The following MCCC1 variants were observed in gnomAD, a reference collection of about 807,000 sequenced individuals.
MCCC1 encodes methylcrotonyl-CoA carboxylase subunit 1, also known as methylcrotonoyl-CoA carboxylase subunit alpha, mitochondrial.
In MCCC1, 64 loss-of-function variants were observed where a neutral mutation model predicts 83.8. The ratio of observed to expected loss-of-function variants is 0.76; its 90% CI spans 0.62 to 0.94. The LOEUF (loss-of-function observed/expected upper bound fraction) is 0.94. Among genes scored for constraint, MCCC1 ranks in the 40% least tolerant of loss-of-function variants. The probability of loss-of-function intolerance (pLI) is 0.00; values close to 1 mark genes in which losing one functional copy is unlikely to be tolerated. For missense variants in MCCC1, 807 were observed against 904.7 expected (o/e 0.89, Z 1.39); for synonymous variants, 322 against 315.4 (o/e 1.02, Z -0.22).
At chr3:183,108,802 G>A (rs546721364) in intron 1 of MCCC1, among the ~76,000 whole-genome samples, 1 of 152,168 alleles carries the variant, frequency 6.6e-6, no homozygotes, top group African/African-American at 2.4e-5. Context: ...TGCTCCAACC[G>A]AAGTGTAGAA....
intron 14 of MCCC1, among the ~76,000 whole-genome samples, chr3:183,033,739 T>C (rs1001278432): frequency 1.1e-4 from 16 of 152,240 alleles, no homozygotes; most frequent in Admixed American, 1.0e-3. Flanking sequence ...TGTTTTGCTA[T>C]GTTTATTTTA....
chr3:183,063,814 C>T (rs1483044779), intron 7 of MCCC1, among the ~76,000 whole-genome samples: 6 of 152,204 alleles, frequency 3.9e-5, no homozygotes, highest in South Asian at 4.1e-4. Context: ...TGATGAACTA[C>T]GGAAGGGACG....
intron 1 of MCCC1, among the ~76,000 whole-genome samples, chr3:183,106,482 T>TTTCTTTCTTTCTTTCTTTC (rs1719405253): frequency 1.4e-5 from 2 of 147,074 alleles, no homozygotes; most frequent in African/African-American, 5.2e-5. Context: ...TTCTTTGTTC[T>TTTCTTTCTTTCTTTCTTTC]TTTCTTTCTT....
chr3:183,056,222 TTATAA>T (rs1206712416), intron 8 of MCCC1, among the ~76,000 whole-genome samples: 2 of 152,170 alleles, frequency 1.3e-5, no homozygotes, highest in Non-Finnish European at 2.9e-5. Context: ...ATATATAATG[TTATAA>T]TATATTCTAC....
At chr3:183,109,224 T>C (rs930266439) in intron 1 of MCCC1, among the ~76,000 whole-genome samples, 2 of 152,130 alleles carry the variant, frequency 1.3e-5, no homozygotes, top group South Asian at 2.1e-4. Context: ...ACTCTTGACA[T>C]CTGGTGATCC....
intron 4 of MCCC1, among the ~76,000 whole-genome samples, chr3:183,082,171 A>G (rs1717562565): frequency 6.6e-6 from 1 of 152,212 alleles, no homozygotes; most frequent in South Asian, 2.1e-4. Context: ...CTGGGACCGG[A>G]CACCAAGAAT....
chr3:183,024,372 T>C (rs1369813368), intron 15 of MCCC1, among the ~76,000 whole-genome samples: 1 of 152,234 alleles, frequency 6.6e-6, no homozygotes, highest in East Asian at 1.9e-4. Context: ...ATCACTCTGA[T>C]GGCTAATGGA....
Position 183,071,271 on chromosome 3 carries a change from T to C in MCCC1, c.578A>G (p.Glu193Gly). 6.2e-7 allele frequency: 1 copy of C among 1,614,222 alleles called. No homozygotes were observed. The change falls in exon 6 of 19, where the codon GAA (glutamate) becomes GGA (glycine). Residue 193 changes from glutamate (E) to glycine (G), a missense_variant. Coordinates refer to ENST00000265594, the MANE Select transcript of MCCC1 (RefSeq NM_020166.5). ...AGGATAGCCAATTCTCCTGGCGTGTTCCTTCAGGCACTGGTCTGATTGGTC... is the reference window on the plus strand; with the variant it reads ...AGGATAGCCAATTCTCCTGGCGTGTCCCTTCAGGCACTGGTCTGATTGGTC... ...GEDQSDQCLK[E>G]HARRIGYPVM...
intron 10 of MCCC1, among the ~76,000 whole-genome samples, chr3:183,043,148 G>A (rs938527506): frequency 6.6e-6 from 1 of 152,196 alleles, no homozygotes; most frequent in African/African-American, 2.4e-5. Flanking sequence ...AAATTAGCCG[G>A]GCATGGTGGC....
chr3:183,025,155 C>T (rs955507886), intron 15 of MCCC1, among the ~76,000 whole-genome samples: 16 of 152,028 alleles, frequency 1.1e-4, no homozygotes, highest in Non-Finnish European at 1.5e-4. Context: ...GAAGAAGGAA[C>T]GGAGTGTTAA....
intron 4 of MCCC1, among the ~76,000 whole-genome samples, chr3:183,081,923 C>A (rs1274591600): frequency 2.0e-5 from 3 of 152,182 alleles, no homozygotes; most frequent in Admixed American, 2.0e-4. Flanking sequence ...AGTTAAGCTG[C>A]TGACCCTGAA....
chr3:183,107,396 G>A (rs1375722936), intron 1 of MCCC1, among the ~76,000 whole-genome samples: 8 of 133,720 alleles, frequency 6.0e-5, no homozygotes, highest in African/African-American at 1.9e-4. Flanking sequence ...CAACAAGAGC[G>A]AAACTCCATC....
At chr3:183,088,185 TTTGTTGTTG>T (rs1162144091) in intron 3 of MCCC1, among the ~76,000 whole-genome samples, 54 of 150,460 alleles carry the variant, frequency 3.6e-4, no homozygotes, top group African/African-American at 1.2e-3. Context: ...TTTTAAATGT[TTTGTTGTTG>T]TTGTTGTTGT....
chr3:183,099,085 C>T (rs1269852419), intron 1 of MCCC1: 4 of 574,418 alleles, frequency 7.0e-6, no homozygotes, highest in African/African-American at 5.6e-5. Flanking sequence ...TGGAGGATGG[C>T]GGGCCCAGTC....
chr3:183,057,260 G>A, intron 8 of MCCC1, 51 bp downstream of exon 8: 4 of 1,357,990 alleles, frequency 2.9e-6, no homozygotes, highest in Non-Finnish European at 4.1e-6. Flanking sequence ...GAAAATCAGA[G>A]TAAGATTCAC....
upstream of MCCC1, among the ~76,000 whole-genome samples, chr3:183,103,207 T>A (rs1470820811): frequency 6.6e-6 from 1 of 151,986 alleles, no homozygotes; most frequent in Non-Finnish European, 1.5e-5. Context: ...AAAGGCAATG[T>A]GGACCCAAAG....
intron 3 of MCCC1, among the ~76,000 whole-genome samples, chr3:183,089,205 A>T (rs944515426): frequency 1.3e-5 from 2 of 152,226 alleles, no homozygotes; most frequent in Non-Finnish European, 2.9e-5. Context: ...TAAAGGTTTA[A>T]AGCATTTAAG....
chr3:183,070,945 T>TA, intron 7 of MCCC1, 54 bp downstream of exon 7: 2 of 1,550,210 alleles, frequency 1.3e-6, no homozygotes, highest in Non-Finnish European at 1.8e-6. Flanking sequence ...GTGCATGCAT[T>TA]ATTTTTATAA....
intron 16 of MCCC1, among the ~76,000 whole-genome samples, chr3:183,021,575 C>A (rs1010114261): frequency 2.0e-5 from 3 of 152,088 alleles, no homozygotes; most frequent in African/African-American, 7.2e-5. Context: ...GAGCTAAAGC[C>A]CAGAGAGTTT....
Sources: allele counts gnomAD v4.1 joint callset (sites outside exome capture counted in the v4.1 genomes callset), GRCh38; gene constraint gnomAD v4.1.1; transcripts MANE v1.5; gene names NCBI Gene and HGNC (gene_info 2026-07-23, HGNC 2026-07-21).